ROBO2: variants seen among roughly 807,000 people sequenced by gnomAD.
The protein encoded by ROBO2 is roundabout homolog 2.
In ROBO2, 53 loss-of-function variants were observed where a neutral mutation model predicts 160.8. The ratio of observed to expected loss-of-function variants is 0.33; its 90% confidence interval spans 0.26 to 0.41. The LOEUF is 0.41. Ranked by LOEUF, ROBO2 falls within the 10% of genes least tolerant of loss-of-function variation. The probability of loss-of-function intolerance (pLI) is 1.00; values close to 1 mark genes in which losing one functional copy is unlikely to be tolerated. For synonymous variants in ROBO2, 664 were observed against 611.7 expected, an observed-to-expected ratio of 1.09 and a Z score of -1.26; for missense variants, 1,577 against 1,722.4, an observed-to-expected ratio of 0.92 and a Z score of 1.49.
chr3:76,574,570 T>A (rs973554518), intron 2 of ROBO2, among the ~76,000 whole-genome samples: 1 of 152,142 alleles, frequency 6.6e-6, no homozygotes, highest in South Asian at 2.1e-4. Flanking sequence ...GGGTGATATA[T>A]GGTAAATCAC....
rs139605679 is a variant in ROBO2 at position 77,132,870 on chromosome 3, T to A, written c.388+34530T>A. On this transcript the variant is annotated intron_variant, in intron 2 of 25. Coordinates refer to ENST00000461745, the Ensembl canonical transcript of ROBO2. ...TAATTCAACAAATATGTTTTGAACA[T>A]CTTCTACATGTTAGGCAGTGTGCTA... Among the ~76,000 whole-genome samples the A allele has an allele frequency of 3.0e-3, 450 of 152,262 alleles. 1 individual carries two copies. The highest frequency in any genetic ancestry group is 9.1e-3 in the African/African-American group (378 of 41,572).
intron 2 of ROBO2, among the ~76,000 whole-genome samples, chr3:76,213,089 T>C (rs1257193756): frequency 6.6e-6 from 1 of 152,144 alleles, no homozygotes; most frequent in Non-Finnish European, 1.5e-5. Flanking sequence ...TTTTTGGTTC[T>C]CTTTAATTCA....
chr3:77,060,533 A>G (rs2149762143), intron 1 of ROBO2, among the ~76,000 whole-genome samples: 1 of 152,336 alleles, frequency 6.6e-6, no homozygotes, highest in East Asian at 1.9e-4. Context: ...AAGGAGTTCA[A>G]TAAATGTCAC....
At chr3:77,069,273 G>C (rs1033528620) in intron 1 of ROBO2, among the ~76,000 whole-genome samples, 9 of 152,064 alleles carry the variant, frequency 5.9e-5, no homozygotes, top group African/African-American at 9.7e-5. Flanking sequence ...AGAAGGAAGA[G>C]GTCTGAATGT....
intron 2 of ROBO2, among the ~76,000 whole-genome samples, chr3:76,237,020 G>A (rs542982501): frequency 2.0e-5 from 3 of 152,182 alleles, no homozygotes; most frequent in Non-Finnish European, 4.4e-5. Context: ...TCAGTCATTT[G>A]AAATGAATAT....
At chr3:76,328,898 ATT>A (rs1559772472) in intron 2 of ROBO2, among the ~76,000 whole-genome samples, 1 of 82,024 alleles carries the variant, frequency 1.2e-5, no homozygotes, top group Non-Finnish European at 2.4e-5. Flanking sequence ...ATATATATAT[ATT>A]TATGTTATTA....
intron 2 of ROBO2, among the ~76,000 whole-genome samples, chr3:76,179,861 T>C (rs1442402919): frequency 2.6e-5 from 4 of 152,176 alleles, no homozygotes; most frequent in African/African-American, 9.7e-5. Context: ...ACACTTTTTA[T>C]AAAGTGGTGA....
Position 76,194,688 on chromosome 3 carries a change from C to T in ROBO2, c.109+257086C>T, listed in dbSNP as rs929625736. The stretch of plus-strand genomic sequence containing the variant: ...AGGCTGGAGTGCAGTGGCACAATCT[C>T]GACTCACTGCAACCTCCGACTCCCT... On this transcript the variant is annotated intron_variant, in intron 2 of 26. Coordinates refer to the ROBO2 transcript ENST00000487694. 2.0e-5 allele frequency among the ~76,000 whole-genome samples: 3 copies of T among 151,332 alleles called. No homozygotes were observed. In the South Asian group the frequency reaches 6.2e-4, roughly 32 times the overall value.
chr3:76,120,444 A>G (rs2070703854), intron 2 of ROBO2, among the ~76,000 whole-genome samples: 1 of 152,214 alleles, frequency 6.6e-6, no homozygotes, highest in African/African-American at 2.4e-5. Flanking sequence ...TATTAGGCAC[A>G]TGACTGTTCT....
At chr3:76,439,548 A>G (rs2076830461) in intron 2 of ROBO2, among the ~76,000 whole-genome samples, 1 of 152,192 alleles carries the variant, frequency 6.6e-6, no homozygotes. Flanking sequence ...ATCTCCAGGC[A>G]GAGAAGCATG....
At chr3:76,951,034 G>A (rs1303758068) in intron 2 of ROBO2, among the ~76,000 whole-genome samples, 10 of 152,112 alleles carry the variant, frequency 6.6e-5, no homozygotes, top group Admixed American at 5.9e-4. Context: ...GGCCCTCAGT[G>A]TCACTTTCTT....
chr3:77,272,471 C>G (rs2059561692), intron 2 of ROBO2, among the ~76,000 whole-genome samples: 1 of 152,002 alleles, frequency 6.6e-6, no homozygotes, highest in South Asian at 2.1e-4. Context: ...GACTCACTAT[C>G]ACAAGAACAG....
At chr3:76,618,626 T>C (rs913146770) in intron 2 of ROBO2, among the ~76,000 whole-genome samples, 6 of 151,512 alleles carry the variant, frequency 4.0e-5, no homozygotes, top group Non-Finnish European at 4.4e-5. Context: ...GGGGGAAAAA[T>C]AGTGTTTAGC....
chr3:76,675,876 G>A (rs1324302930), intron 2 of ROBO2, among the ~76,000 whole-genome samples: 1 of 152,144 alleles, frequency 6.6e-6, no homozygotes, highest in Non-Finnish European at 1.5e-5. Flanking sequence ...AATTTTCCAA[G>A]TGGCTGGTTG....
intron 2 of ROBO2, among the ~76,000 whole-genome samples, chr3:76,308,394 A>AAAG (rs1553700866): frequency 1.3e-5 from 2 of 150,804 alleles, no homozygotes; most frequent in African/African-American, 2.4e-5. Flanking sequence ...AAAAAAAAAA[A>AAAG]AAAGAAAGAA....
At chr3:76,101,269 G>A (rs1172909331) in intron 2 of ROBO2, among the ~76,000 whole-genome samples, 1 of 152,068 alleles carries the variant, frequency 6.6e-6, no homozygotes, top group East Asian at 1.9e-4. Context: ...CATCATAGTT[G>A]TGAAAAAAAT....
chr3:77,076,240 G>C (rs1177058126), intron 1 of ROBO2, among the ~76,000 whole-genome samples: 1 of 151,858 alleles, frequency 6.6e-6, no homozygotes, highest in Non-Finnish European at 1.5e-5. Flanking sequence ...CTGTATTGAT[G>C]GTTATTGTCC....
At chr3:76,137,520 T>TA (rs2071475796) in intron 2 of ROBO2, among the ~76,000 whole-genome samples, 1 of 152,050 alleles carries the variant, frequency 6.6e-6, no homozygotes, top group South Asian at 2.1e-4. Flanking sequence ...GAACAGTTTT[T>TA]ATACTTTAAT....
chr3:77,206,572 G>A (rs981014724), intron 2 of ROBO2, among the ~76,000 whole-genome samples: 16 of 152,052 alleles, frequency 1.1e-4, no homozygotes, highest in Non-Finnish European at 2.1e-4. Flanking sequence ...ACCGAACGTG[G>A]TCACATTTAT....
Sources: gnomAD v4.1 joint callset for allele counts (sites outside exome capture counted in the v4.1 genomes callset) on GRCh38, gnomAD v4.1.1 for gene constraint, MANE v1.5 for transcripts, NCBI Gene and HGNC (gene_info 2026-07-23, HGNC 2026-07-21) for gene names.